The following TPO variants were observed in gnomAD, a reference collection of about 807,000 sequenced individuals.
TPO encodes thyroid peroxidase, also known as thyroid microsomal antigen.
Under a neutral mutation model 96.9 loss-of-function variants are expected in TPO, and 78 were observed. The ratio of observed to expected loss-of-function variants is 0.81; its 90% CI spans 0.67 to 0.97. The LOEUF (loss-of-function observed/expected upper bound fraction) is 0.97. Among genes scored for constraint, TPO ranks in the 50% least tolerant of loss-of-function variants. The probability of loss-of-function intolerance (pLI) is 0.00; values close to 1 mark genes in which losing one functional copy is unlikely to be tolerated. For synonymous variants in TPO, 547 were observed against 538.0 expected, an observed-to-expected ratio of 1.02 and a Z score of -0.23; for missense variants, 1,252 against 1,274.8, an observed-to-expected ratio of 0.98 and a Z score of 0.27.
intron 1 of TPO, among the ~76,000 whole-genome samples, chr2:1,379,174 G>T (rs369177422): frequency 6.6e-6 from 1 of 152,032 alleles, no homozygotes; most frequent in East Asian, 1.9e-4. Context: ...GTGTGGTGGC[G>T]CACGCATGTA....
At chr2:1,497,707 C>T (rs961639501) in intron 13 of TPO, among the ~76,000 whole-genome samples, 3 of 152,096 alleles carry the variant, frequency 2.0e-5, no homozygotes, top group Admixed American at 1.3e-4. Flanking sequence ...CCTTCAGGGA[C>T]TGCATTTTAG....
At chr2:1,498,288 G>A (rs1387475698) in intron 13 of TPO, among the ~76,000 whole-genome samples, 1 of 152,204 alleles carries the variant, frequency 6.6e-6, no homozygotes, top group African/African-American at 2.4e-5. Context: ...CAGGGGTCAG[G>A]TAGGGGTGCG....
At chr2:1,512,161 G>A (rs1338182339) in intron 14 of TPO, among the ~76,000 whole-genome samples, 1 of 152,098 alleles carries the variant, frequency 6.6e-6, no homozygotes, top group African/African-American at 2.4e-5. Flanking sequence ...AGCCTCCCGA[G>A]TAGCTGGGAC....
At chr2:1,399,742 G>A (rs1662135970) in intron 1 of TPO, among the ~76,000 whole-genome samples, 1 of 152,136 alleles carries the variant, frequency 6.6e-6, no homozygotes, top group South Asian at 2.1e-4. Flanking sequence ...TCCTCCCCAT[G>A]TGGCCTCAAT....
chr2:1,460,827 A>C (rs540220690), intron 7 of TPO, among the ~76,000 whole-genome samples: 15 of 152,164 alleles, frequency 9.9e-5, no homozygotes, highest in Admixed American at 4.6e-4. Flanking sequence ...CTGGAGCTGC[A>C]CTGAGAGAAC....
intron 13 of TPO, among the ~76,000 whole-genome samples, chr2:1,503,525 C>T (rs1673082057): frequency 6.6e-6 from 1 of 152,154 alleles, no homozygotes. Context: ...GGCAGGTGGC[C>T]CCAGTCCTTG....
chr2:1,387,398 C>A (rs904351672), intron 1 of TPO, among the ~76,000 whole-genome samples: 6 of 152,264 alleles, frequency 3.9e-5, no homozygotes, highest in African/African-American at 1.4e-4. Context: ...TTCTTGGAGG[C>A]TTTGTTCATT....
chr2:1,510,782 C>T (rs2125045463), intron 14 of TPO, among the ~76,000 whole-genome samples: 1 of 152,214 alleles, frequency 6.6e-6, no homozygotes. Flanking sequence ...TACACAGGTG[C>T]CCAGGGCTTC....
In TPO at chr2:1,516,913, T is replaced by C. The variant is rs1674773337; in HGVS notation, c.2549T>C (p.Ile850Thr). 1 of 1,613,862 alleles carries C rather than the reference T, an allele frequency of 6.2e-7. No homozygotes were observed. Among genetic ancestry groups the C allele is most frequent in the African/African-American group, 1.3e-5 (1 of 74,938 alleles). ...GGGAGGCTCCCTCGGGTGACTTGGATCTCCATGTCGCTGGCTGCTCTGCTG... is the reference window on the plus strand; with the variant it reads ...GGGAGGCTCCCTCGGGTGACTTGGACCTCCATGTCGCTGGCTGCTCTGCTG... ...DSGRLPRVTWISMSLAALLIG... is the reference protein window; with the variant it reads ...DSGRLPRVTWTSMSLAALLIG... Residue 850 changes from isoleucine to threonine, a missense_variant, in exon 15 of 17, where the codon ATC (isoleucine) becomes ACC (threonine). By Grantham distance (89) the Ile-to-Thr change is moderately conservative. Transcript: ENST00000329066.
At chr2:1,497,637 T>A (rs1273741916) in intron 13 of TPO, among the ~76,000 whole-genome samples, 1 of 152,100 alleles carries the variant, frequency 6.6e-6, no homozygotes, top group Non-Finnish European at 1.5e-5. Context: ...TGGCTGCTGT[T>A]CTGGGAGGAA....
chr2:1,502,466 T>G (rs930331929), intron 13 of TPO, among the ~76,000 whole-genome samples: 2 of 152,200 alleles, frequency 1.3e-5, no homozygotes, highest in African/African-American at 2.4e-5. Context: ...CTCTGCTCAC[T>G]GCAACCTCCG....
intron 14 of TPO, among the ~76,000 whole-genome samples, chr2:1,505,971 C>CATTTAACATTTGGTATATCTCCTA (rs55928125): frequency 2.7e-5 from 4 of 148,904 alleles, no homozygotes; most frequent in Non-Finnish European, 1.5e-5. Context: ...ATTAACTCGT[C>CATTTAACATTTGGTATATCTCCTA]ATTTAACATT....
At chr2:1,430,839 G>A (rs1443518127) in intron 3 of TPO, among the ~76,000 whole-genome samples, 3 of 152,322 alleles carry the variant, frequency 2.0e-5, no homozygotes, top group African/African-American at 7.2e-5. Flanking sequence ...TTTTAGAATG[G>A]AAAAATATAC....
rs545539718 is a variant in TPO at position 1,438,569 on chromosome 2, C to G, written c.482+2185C>G. Among the ~76,000 whole-genome samples, 41 of 120,768 alleles carry G rather than the reference C, an allele frequency of 3.4e-4. 1 individual carries two copies. The South Asian group carries it at 0.01, about 30-fold the overall frequency. The allele number at this position is 120,768 out of a possible 152,430, so 79.2% of individuals were successfully genotyped here. A position where few individuals can be genotyped will look rare whatever the true frequency, so the allele number is the denominator to read the frequency against. On this transcript the variant is annotated intron_variant, in intron 5 of 16. Coordinates refer to ENST00000329066, the MANE Select transcript of TPO (RefSeq NM_001206744.2). ...CCTACGGAGGTCGACCCAGGGGCCA[C>G]CCCCCACCCACCCCCACCCTGCCCC...
At chr2:1,539,173 A>C (rs1278437210) in intron 15 of TPO, among the ~76,000 whole-genome samples, 5 of 152,170 alleles carry the variant, frequency 3.3e-5, no homozygotes, top group Non-Finnish European at 2.9e-5. Context: ...TTCCGTTTAC[A>C]GTAATGAGCA....
chr2:1,440,304 ACT>A (rs1558288196), intron 5 of TPO, among the ~76,000 whole-genome samples: 1 of 151,804 alleles, frequency 6.6e-6, no homozygotes, highest in African/African-American at 2.4e-5. Flanking sequence ...GGATTTTAAA[ACT>A]CATCCATTTC....
In TPO at chr2:1,491,579, A is replaced by G. The variant is rs957723886; in HGVS notation, c.1769-2223A>G. 3.9e-5 allele frequency among the ~76,000 whole-genome samples: 6 copies of G among 152,358 alleles called. No individual in the cohort carries two copies. In the East Asian group the frequency reaches 9.6e-4, roughly 24 times the overall value. ...TTGCTCATTATTTTGGTTTCTCACT[A>G]GTCTGAAAATAACTGCATTCTTTTA... On this transcript the variant is annotated intron_variant, in intron 10 of 16. Coordinates refer to ENST00000329066, the MANE Select transcript of TPO (RefSeq NM_001206744.2).
intron 7 of TPO, among the ~76,000 whole-genome samples, chr2:1,462,298 T>C (rs1349493006): frequency 2.0e-5 from 3 of 152,032 alleles, no homozygotes; most frequent in African/African-American, 7.2e-5. Flanking sequence ...ACTCCAGACC[T>C]CAGGGCTCTG....
At chr2:1,435,810 T>C (rs1665510245) in intron 4 of TPO, among the ~76,000 whole-genome samples, 1 of 152,208 alleles carries the variant, frequency 6.6e-6, no homozygotes, top group African/African-American at 2.4e-5. Flanking sequence ...CAAGATTTTT[T>C]CTACATTAGG....
Sources: allele counts gnomAD v4.1 joint callset (sites outside exome capture counted in the v4.1 genomes callset), GRCh38; gene constraint gnomAD v4.1.1; transcripts MANE v1.5; gene names NCBI Gene and HGNC (gene_info 2026-07-23, HGNC 2026-07-21).